Variants in NOP9 observed in about 807,000 individuals in gnomAD.
NOP9 encodes nucleolar protein 9.
A neutral mutation model predicts 63.0 loss-of-function variants in NOP9; 50 were observed. That is an observed-to-expected ratio of 0.79 (90% CI 0.63 to 1.00). The LOEUF (loss-of-function observed/expected upper bound fraction) is 1.00, where lower values mean the gene tolerates loss of function less well. Ranked by LOEUF, NOP9 falls within the 50% of genes least tolerant of loss-of-function variation. NOP9 has a pLI of 0.00. For missense variants in NOP9, 758 were observed against 803.0 expected, an observed-to-expected ratio of 0.94 and a Z score of 0.68; for synonymous variants, 343 against 332.8, an observed-to-expected ratio of 1.03 and a Z score of -0.33.
At chr14:24,291,372 C>T in the NOP9 span, 1 of 1,060,060 alleles carries the variant, frequency 9.4e-7, no homozygotes, top group Non-Finnish European at 1.4e-6. Context: ...TCCACACTTC[C>T]CAGGAGCCTG....
chr14:24,271,375 G>A, the NOP9 span: 2 of 389,550 alleles, frequency 5.1e-6, no homozygotes, highest in Non-Finnish European at 9.1e-6. Flanking sequence ...GCCCGGGCCA[G>A]AGCGCGAGCC....
chr14:24,304,952 G>A lies in NOP9; in HGVS notation c.1768G>A (p.Glu590Lys). The change falls in exon 10 of 10, where the codon GAG (glutamate) becomes AAG (lysine). Residue 590 changes from glutamate to lysine, a missense_variant. By Grantham distance (56) the Glu-to-Lys change is moderately conservative. Transcript: ENST00000267425. Reference protein sequence around the residue: ...IAAELGEQNQELIRDPFGHHV... With the variant: ...IAAELGEQNQKLIRDPFGHHV... The stretch of plus-strand genomic sequence containing the variant: ...TCCCTTTGCAGGGGAGCAGAACCAG[G>A]AGCTGATAAGAGACCCTTTCGGCCA... The A allele has an allele frequency of 7.7e-6, 12 of 1,551,628 alleles. No individual in the cohort carries two copies. Among genetic ancestry groups the A allele is most frequent in the Non-Finnish European group, 1.0e-5 (12 of 1,151,466 alleles).
the NOP9 span, chr14:24,271,652 G>GGGCTCTGCGCTCGCTGTCCGGA: frequency 6.5e-6 from 1 of 152,858 alleles, no homozygotes; most frequent in Non-Finnish European, 1.5e-5. Context: ...GCGTGCGCGG[G>GGGCTCTGCGCTCGCTGTCCGGA]GGCTCTGCGC....
At position 24,300,632 on chromosome 14, in the gene NOP9, G is replaced by A; in HGVS notation, c.472G>A (p.Gly158Arg). ...TTTGCTACAGCTCCCTCGATTGCTG[G>A]GGAGTGCTGCAGAGGAGGAGGAGGA... ...SALLQLPRLL[G>R]SAAEEEEEEE... The change falls in exon 2 of 10, where the codon GGG becomes AGG. Residue 158 changes from glycine to arginine, a missense_variant. By Grantham distance (125) the Gly-to-Arg change is moderately radical (BLOSUM62 -2). Transcript: ENST00000267425. The A allele has an allele frequency of 1.3e-6, 2 of 1,599,964 alleles. No homozygotes were observed. The highest frequency in any genetic ancestry group is 1.7e-6 in the Non-Finnish European group (2 of 1,176,152).
chr14:24,299,728 G>A (rs562664879), upstream of NOP9: 1 of 513,178 alleles, frequency 1.9e-6, no homozygotes, highest in Non-Finnish European at 3.4e-6. Flanking sequence ...CTGAGGTAGA[G>A]GGGCAGAGTC....
the NOP9 span, among the ~76,000 whole-genome samples, chr14:24,279,833 T>G: frequency 6.6e-6 from 1 of 152,108 alleles, no homozygotes; most frequent in South Asian, 2.1e-4. Flanking sequence ...TGGGCATATA[T>G]GATGTGAGTG....
chr14:24,301,569 G>A (rs1162618358), intron 2 of NOP9, 43 bp from the exon 3 acceptor site: 2 of 1,606,742 alleles, frequency 1.2e-6, no homozygotes, highest in Admixed American at 1.7e-5. Context: ...CTGGATGGCA[G>A]TTTGTGATCT....
chr14:24,303,990 C>T (rs745422545), intron 7 of NOP9, 51 bp from the exon 8 acceptor site: 3 of 1,584,732 alleles, frequency 1.9e-6, no homozygotes, highest in Non-Finnish European at 2.6e-6. Flanking sequence ...GGGATGGGCT[C>T]ATCCACCTGG....
Position 24,300,687 on chromosome 14 carries a change from C to T in NOP9, c.527C>T (p.Thr176Met), listed in dbSNP as rs146649283. The T allele has an allele frequency of 3.7e-5, 59 of 1,613,158 alleles. No individual in the cohort carries two copies. In the African/African-American group the frequency reaches 7.0e-4, roughly 19 times the overall value. ...GAGGAGGATGGAAAGGATGGTCCCACGGAGACCCTGGAGGAGCTGGTCCTG... is the reference window on the plus strand; with the variant it reads ...GAGGAGGATGGAAAGGATGGTCCCATGGAGACCCTGGAGGAGCTGGTCCTG... Reference protein sequence around the residue: ...EEEEDGKDGPTETLEELVLGL... With the variant: ...EEEEDGKDGPMETLEELVLGL... The change falls in exon 2 of 10, where the codon ACG becomes ATG. Residue 176 changes from threonine (T) to methionine (M), a missense_variant. Thr to Met is a moderately conservative substitution (Grantham distance 81, BLOSUM62 -1). Coordinates refer to ENST00000267425, the MANE Select transcript of NOP9 (RefSeq NM_174913.3).
At chr14:24,291,916 T>C in the NOP9 span, 1 of 602,312 alleles carries the variant, frequency 1.7e-6, no homozygotes, top group Non-Finnish European at 2.9e-6. Flanking sequence ...GGGGGTCAAG[T>C]GCATGGTCTT....
At chr14:24,292,612 G>A in the NOP9 span, 8 of 1,614,104 alleles carry the variant, frequency 5.0e-6, no homozygotes, top group Admixed American at 1.3e-4. Flanking sequence ...TAACATCACT[G>A]TCTTTTACCT....
rs376054945 is a variant in NOP9 at position 24,305,636 on chromosome 14, G to A, written c.*541G>A. 18 of 1,612,474 alleles carry A rather than the reference G, an allele frequency of 1.1e-5. No homozygotes were observed. The highest frequency in any genetic ancestry group is 1.5e-5 in the Non-Finnish European group (18 of 1,179,294). ...GGGGGCAGAAGCTCAGAGCCCCTTA[G>A]TAGGAATGGAGGCGGCCCTTCTGCT... is the stretch of plus-strand genomic sequence containing the variant. On this transcript the variant is annotated 3_prime_UTR_variant, in exon 10 of 10. Coordinates refer to ENST00000267425, the MANE Select transcript of NOP9 (RefSeq NM_174913.3).
chr14:24,288,214 A>C, the NOP9 span, among the ~76,000 whole-genome samples: 10 of 152,314 alleles, frequency 6.6e-5, no homozygotes, highest in Non-Finnish European at 1.3e-4. Context: ...GATGACTTCT[A>C]AAATCTCCCA....
chr14:24,296,929 G>A (rs201937236), upstream of NOP9: 247 of 1,610,514 alleles, frequency 1.5e-4, 1 homozygote, highest in African/African-American at 3.2e-3. Context: ...ATGGGTGTGA[G>A]TCATGACAAA....
At chr14:24,294,949 T>C (rs1469637389), upstream of NOP9, among the ~76,000 whole-genome samples, 2 of 152,098 alleles carry the variant, frequency 1.3e-5, no homozygotes, top group African/African-American at 2.4e-5. Context: ...ATTGTCTTGA[T>C]ATAAAAAATT....
At chr14:24,283,280 A>G in the NOP9 span, among the ~76,000 whole-genome samples, 1 of 152,174 alleles carries the variant, frequency 6.6e-6, no homozygotes, top group Non-Finnish European at 1.5e-5. Flanking sequence ...CAAAAGCATC[A>G]GGTCTTCCTT....
At chr14:24,288,213 T>G in the NOP9 span, among the ~76,000 whole-genome samples, 1 of 152,208 alleles carries the variant, frequency 6.6e-6, no homozygotes, top group African/African-American at 2.4e-5. Flanking sequence ...AGATGACTTC[T>G]AAAATCTCCC....
At chr14:24,272,034 G>T in the NOP9 span, among the ~76,000 whole-genome samples, 1 of 152,132 alleles carries the variant, frequency 6.6e-6, no homozygotes, top group East Asian at 1.9e-4. Flanking sequence ...AAATGTTGGT[G>T]ATCTCCAGGG....
At position 24,299,954 on chromosome 14, in the gene NOP9, C is replaced by T; in HGVS notation, c.-1C>T. 1 of 1,540,946 alleles carries T rather than the reference C, an allele frequency of 6.5e-7. No individual in the cohort carries two copies. The highest frequency in any genetic ancestry group is 8.7e-7 in the Non-Finnish European group (1 of 1,145,282). On this transcript the variant is annotated 5_prime_UTR_variant, in exon 1 of 10. Coordinates refer to ENST00000267425, the MANE Select transcript of NOP9 (RefSeq NM_174913.3). ...GCAGCCGGACAGGTCGCGAAGCACA[C>T]ATGGGGCAGGGTCCGCGCTCTCCAC... is the stretch of plus-strand genomic sequence containing the variant.
Sources: gnomAD v4.1 joint callset for allele counts (sites outside exome capture counted in the v4.1 genomes callset) on GRCh38, gnomAD v4.1.1 for gene constraint, MANE v1.5 for transcripts, NCBI Gene and HGNC (gene_info 2026-07-23, HGNC 2026-07-21) for gene names.